The following TDO2 variants were observed in gnomAD, a reference collection of about 807,000 sequenced individuals.
TDO2 encodes the protein tryptophan 2,3-dioxygenase.
TDO2 carries 63 observed loss-of-function variants against 61.2 expected under a neutral mutation model. The observed-to-expected ratio is 1.03, with a 90% CI of 0.84 to 1.27. TDO2 has a LOEUF of 1.27. TDO2 is among the 50% of genes most tolerant of loss of function. The pLI is 0.00. For missense variants in TDO2, 494 were observed against 469.5 expected (o/e 1.05, Z -0.48); for synonymous variants, 183 against 164.0 (o/e 1.12, Z -0.89).
chr4:155,905,938 G>A (rs1054646700), intron 3 of TDO2: 1 of 152,078 alleles, frequency 6.6e-6, no homozygotes, highest in African/African-American at 2.4e-5. Context: ...TTAAAAAACT[G>A]GCTTAATGTG....
At chr4:155,916,986 A>C (rs1484495528) in intron 9 of TDO2, among the ~76,000 whole-genome samples, 1 of 149,792 alleles carries the variant, frequency 6.7e-6, no homozygotes, top group African/African-American at 2.4e-5. Flanking sequence ...AACAACAAAA[A>C]AAACAAAACA....
At chr4:155,916,955 AAAAAC>A (rs906484942) in intron 9 of TDO2, among the ~76,000 whole-genome samples, 7 of 152,096 alleles carry the variant, frequency 4.6e-5, no homozygotes, top group South Asian at 2.1e-4. Context: ...ATAGATGTAA[AAAAAC>A]AAAACAAAAC....
In TDO2 at chr4:155,909,828, TCTCTCCTCTC is replaced by T. The variant is rs1261436658; in HGVS notation, c.432-186_432-177del. The stretch of plus-strand genomic sequence containing the variant: ...TGGTTGATAATGTCAGCTCTTCTCT[TCTCTCCTCTC>T]CTCTCCTCTCTTCTCCTCTCCTCTC... On this transcript the variant is annotated intron_variant, in intron 5 of 11. Coordinates refer to ENST00000536354, the MANE Select transcript of TDO2 (RefSeq NM_005651.4). Among the ~76,000 whole-genome samples, 7 of 142,544 alleles carry T rather than the reference TCTCTCCTCTC, an allele frequency of 4.9e-5. No individual in the cohort carries two copies. In the East Asian group the frequency reaches 6.5e-4, roughly 13 times the overall value. 93.5% of individuals were successfully genotyped at this position (142,544 alleles called of 152,430 possible). A position where few individuals can be genotyped will look rare whatever the true frequency, so the allele number is the denominator to read the frequency against.
rs371873535 is a variant in TDO2, at chr4:155,911,577, C to A, written c.699C>A (p.Gly233=). The A allele has an allele frequency of 1.9e-6, 3 of 1,578,808 alleles. No individual in the cohort carries two copies. Among genetic ancestry groups the A allele is most frequent in the Non-Finnish European group, 2.6e-6 (3 of 1,159,902 alleles). Residue 233 remains glycine (G), a synonymous_variant, in exon 7 of 12, where the codon GGC becomes GGA. Transcript: ENST00000536354. ...WGKLEKNITR[G]LEEEFIRIQA... ...AGCTTGAAAAAAATATCACCAGAGG[C>A]CTGGAAGAGGAATTCATAAGGATTC...
Position 155,920,235 on chromosome 4 carries a change from C to A in TDO2, c.*245C>A. The A allele has an allele frequency of 2.2e-6, 1 of 453,180 alleles. No individual in the cohort carries two copies. The highest frequency in any genetic ancestry group is 2.0e-5 in the African/African-American group (1 of 49,600). 28.1% of individuals were successfully genotyped at this position (453,180 alleles called of 1,614,324 possible). ...TGTTTTCCTATTAAAAATTCAGTTT[C>A]CCCTGAGACTTAATGTAACCACTTA... is the stretch of plus-strand genomic sequence containing the variant. On this transcript the variant is annotated 3_prime_UTR_variant, in exon 12 of 12. Coordinates refer to ENST00000536354, the MANE Select transcript of TDO2 (RefSeq NM_005651.4).
chr4:155,905,030 T>A (rs1052738326), intron 2 of TDO2, 37 bp from the exon 3 acceptor site: 1 of 1,457,418 alleles, frequency 6.9e-7, no homozygotes, highest in Non-Finnish European at 9.3e-7. Context: ...AACCAAGTTC[T>A]GCAATTTCAG....
chr4:155,908,234 A>T (rs1257821380), intron 4 of TDO2, among the ~76,000 whole-genome samples: 2 of 152,092 alleles, frequency 1.3e-5, no homozygotes, highest in African/African-American at 2.4e-5. Flanking sequence ...AAGGGGGAAA[A>T]GGGGAATGGG....
At position 155,909,030 on chromosome 4, in the gene TDO2, A is replaced by G; in HGVS notation, c.431+16A>G. ...ATGACTTCAGGTGTGCACATTTGGC[A>G]TTTTAAAAAATGTGATGGAATTTAC... On this transcript the variant is annotated intron_variant, in intron 5 of 11. Coordinates refer to ENST00000536354, the MANE Select transcript of TDO2 (RefSeq NM_005651.4). 6.3e-7 allele frequency: 1 copy of G among 1,578,868 alleles called. No individual in the cohort carries two copies. The highest frequency in any genetic ancestry group is 8.6e-7 in the Non-Finnish European group (1 of 1,164,220).
At chr4:155,916,054 T>C (rs1190629119) in intron 9 of TDO2, 142 bp downstream of exon 9, 1 of 639,424 alleles carries the variant, frequency 1.6e-6, no homozygotes, top group Non-Finnish European at 2.5e-6. Flanking sequence ...TAATTAGTAA[T>C]GAAGTTTTAT....
At chr4:155,905,656 A>G (rs1254129424) in intron 3 of TDO2, 1 of 152,586 alleles carries the variant, frequency 6.6e-6, no homozygotes, top group Non-Finnish European at 1.5e-5. Context: ...TCAGAAGTTT[A>G]GAAGGTCCCT....
intron 7 of TDO2, among the ~76,000 whole-genome samples, chr4:155,912,876 T>C (rs10020753): frequency 0.12 from 17,801 of 152,120 alleles, 1,156 homozygotes; most frequent in South Asian, 0.17. Context: ...CATCCACTCT[T>C]GTACCAACAT....
chr4:155,917,364 T>C, intron 9 of TDO2, 31 bp from the exon 10 acceptor site: 1 of 1,567,448 alleles, frequency 6.4e-7, no homozygotes, highest in East Asian at 2.3e-5. Flanking sequence ...TACTTGAATA[T>C]ATTCTTCTTT....
intron 2 of TDO2, among the ~76,000 whole-genome samples, chr4:155,904,747 C>G (rs926503641): frequency 6.6e-6 from 1 of 151,898 alleles, no homozygotes; most frequent in African/African-American, 2.4e-5. Context: ...TAAAAGAATG[C>G]CAAATGCATA....
In TDO2 at chr4:155,920,065, A is replaced by G. The variant is rs2110889822; in HGVS notation, c.*75A>G. ...ATTTTCTATGGATTTTCATAAATAC[A>G]GTTTGAATATATGTATGCATATATT... On this transcript the variant is annotated 3_prime_UTR_variant, in exon 12 of 12. Transcript: ENST00000536354. 2 of 1,427,202 alleles carry G rather than the reference A, an allele frequency of 1.4e-6. No individual in the cohort carries two copies. Among genetic ancestry groups the G allele is most frequent in the East Asian group, 2.3e-5 (1 of 43,640 alleles). 88.4% of individuals were successfully genotyped at this position (1,427,202 alleles called of 1,614,324 possible).
Position 155,911,519 on chromosome 4 carries a change from G to A in TDO2, c.641G>A (p.Gly214Asp), listed in dbSNP as rs766585701. 1 of 1,598,890 alleles carries A rather than the reference G, an allele frequency of 6.3e-7. No individual in the cohort carries two copies. Among genetic ancestry groups the A allele is most frequent in the Admixed American group, 1.7e-5 (1 of 58,660 alleles). Reference sequence around the variant, plus strand: ...AAGGCATGGCTGGAAAGAACTCCAGGTTTAGAGCCACATGGATTTAACTTC... The same window carrying A: ...AAGGCATGGCTGGAAAGAACTCCAGATTTAGAGCCACATGGATTTAACTTC... ...LVEAWLERTP[G>D]LEPHGFNFWG... The change falls in exon 7 of 12, where the codon GGT (glycine) becomes GAT (aspartate). Residue 214 changes from glycine to aspartate, a missense_variant. Transcript: ENST00000536354.
intron 7 of TDO2, among the ~76,000 whole-genome samples, chr4:155,912,198 A>G (rs1435950262): frequency 6.6e-6 from 1 of 152,164 alleles, no homozygotes; most frequent in Non-Finnish European, 1.5e-5. Context: ...CACTTCTTAA[A>G]CAACTATGTG....
chr4:155,914,296 AC>A, intron 7 of TDO2, 26 bp from the exon 8 acceptor site: 1 of 1,531,758 alleles, frequency 6.5e-7, no homozygotes, highest in African/African-American at 1.4e-5. Flanking sequence ...CTCTCTCAGG[AC>A]TATTAATGCC....
intron 9 of TDO2, among the ~76,000 whole-genome samples, chr4:155,916,293 G>A (rs1295297458): frequency 3.5e-5 from 5 of 143,748 alleles, no homozygotes; most frequent in Non-Finnish European, 6.1e-5. Flanking sequence ...TCAGCCTCCC[G>A]AGTAGCTGGG....
At chr4:155,918,283 C>A (rs970770059) in intron 11 of TDO2, 44 bp downstream of exon 11, 2 of 1,579,374 alleles carry the variant, frequency 1.3e-6, no homozygotes, top group Non-Finnish European at 1.7e-6. Context: ...CAGTCACCAA[C>A]AATTTGTTTC....
Sources: allele counts gnomAD v4.1 joint callset (sites outside exome capture counted in the v4.1 genomes callset), GRCh38; gene constraint gnomAD v4.1.1; transcripts MANE v1.5; gene names NCBI Gene and HGNC (gene_info 2026-07-23, HGNC 2026-07-21).